Variants in SH3PXD2A observed in about 807,000 individuals in gnomAD.
The protein encoded by SH3PXD2A is SH3 and PX domains 2A, also known as SH3 and PX domain-containing protein 2A.
In SH3PXD2A, 32 loss-of-function variants were observed where a neutral mutation model predicts 115.2. The ratio of observed to expected loss-of-function variants is 0.28; its 90% CI spans 0.21 to 0.37. The LOEUF (loss-of-function observed/expected upper bound fraction) is 0.37, where lower values mean the gene tolerates loss of function less well. Ranked by LOEUF, SH3PXD2A falls within the 10% of genes least tolerant of loss-of-function variation. The probability of loss-of-function intolerance (pLI) is 1.00; values close to 1 mark genes in which losing one functional copy is unlikely to be tolerated. For missense variants in SH3PXD2A, 1,328 were observed against 1,498.7 expected, an observed-to-expected ratio of 0.89 and a Z score of 1.88; for synonymous variants, 610 against 629.1, an observed-to-expected ratio of 0.97 and a Z score of 0.45.
At chr10:103,687,543 C>G (rs1398138131) in intron 6 of SH3PXD2A, among the ~76,000 whole-genome samples, 1 of 152,148 alleles carries the variant, frequency 6.6e-6, no homozygotes, top group African/African-American at 2.4e-5. Flanking sequence ...TGTCCAACAC[C>G]CGCAGTGCCT....
intron 2 of SH3PXD2A, among the ~76,000 whole-genome samples, chr10:103,797,337 C>T (rs2039101665): frequency 6.6e-6 from 1 of 152,138 alleles, no homozygotes; most frequent in Non-Finnish European, 1.5e-5. Context: ...TGGCTCTGCT[C>T]TGCACGGTCC....
chr10:103,623,250 G>GGGACAT (rs1474911449), intron 9 of SH3PXD2A, among the ~76,000 whole-genome samples: 93 of 150,544 alleles, frequency 6.2e-4, no homozygotes, highest in African/African-American at 2.2e-3. Context: ...GCCACCCATC[G>GGGACAT]GGACATCTGA....
At chr10:103,617,935 T>A (rs893979607) in intron 10 of SH3PXD2A, among the ~76,000 whole-genome samples, 4 of 152,128 alleles carry the variant, frequency 2.6e-5, no homozygotes, top group Admixed American at 2.6e-4. Context: ...GGAACCCAGG[T>A]CTCATGGAAG....
chr10:103,678,600 C>T (rs1344244508), intron 6 of SH3PXD2A, among the ~76,000 whole-genome samples: 1 of 152,200 alleles, frequency 6.6e-6, no homozygotes, highest in East Asian at 1.9e-4. Flanking sequence ...CTTCTCTGGG[C>T]CTCACTGGTC....
At chr10:103,634,276 C>A (rs1414552118) in intron 8 of SH3PXD2A, among the ~76,000 whole-genome samples, 1 of 152,184 alleles carries the variant, frequency 6.6e-6, no homozygotes, top group Non-Finnish European at 1.5e-5. Context: ...GCCTTTGGAG[C>A]CAAGGAGAAA....
In SH3PXD2A at chr10:103,784,811, T is replaced by C. The variant is rs1211409657; in HGVS notation, c.153+16471A>G. Among the ~76,000 whole-genome samples, 3 of 142,570 alleles carry C rather than the reference T, an allele frequency of 2.1e-5. No individual in the cohort carries two copies. The highest frequency in any genetic ancestry group is 3.5e-3 in the Middle Eastern group (1 of 288). 93.5% of individuals were successfully genotyped at this position (142,570 alleles called of 152,430 possible). On this transcript the variant is annotated intron_variant, in intron 2 of 14. Coordinates refer to ENST00000369774, the MANE Select transcript of SH3PXD2A (RefSeq NM_001394015.1). This position sits in a 1 kb window ranked among gnomAD's most constrained non-coding sequence, Gnocchi z 4.4. Reference sequence around the variant, plus strand: ...GAAAAGGAGAAGGGAGTGGGGAGGATGTGGGGAGGGGTCCAGATGGCAGCT... The same window carrying C: ...GAAAAGGAGAAGGGAGTGGGGAGGACGTGGGGAGGGGTCCAGATGGCAGCT...
At chr10:103,758,882 C>A (rs1369073405) in intron 3 of SH3PXD2A, among the ~76,000 whole-genome samples, 1 of 152,214 alleles carries the variant, frequency 6.6e-6, no homozygotes, top group African/African-American at 2.4e-5. Flanking sequence ...TTGGCTTTTC[C>A]TGACATCCCA....
intron 2 of SH3PXD2A, among the ~76,000 whole-genome samples, chr10:103,769,986 C>T (rs17115934): frequency 0.16 from 24,042 of 152,050 alleles, 2,192 homozygotes; most frequent in East Asian, 0.3. Flanking sequence ...TATTACACTA[C>T]GACATAAGGA....
At chr10:103,762,919 A>G (rs975594359) in intron 3 of SH3PXD2A, among the ~76,000 whole-genome samples, 1 of 145,316 alleles carries the variant, frequency 6.9e-6, no homozygotes, top group African/African-American at 2.6e-5. Flanking sequence ...CCTCAGCACC[A>G]CTGCACAACA....
Position 103,612,919 on chromosome 10 carries a change from T to C in SH3PXD2A, c.1192A>G (p.Thr398Ala). The stretch of plus-strand genomic sequence containing the variant: ...GAGCCCTGGGCCAGCCTGGAGACAG[T>C]CCTGTCAGGAACGCCCACGGCACTG... Reference protein sequence around the residue: ...NGSAVGVPDRTVSRLAQGSPA... With the variant: ...NGSAVGVPDRAVSRLAQGSPA... The change falls in exon 12 of 15, where the codon ACT becomes GCT. Residue 398 changes from threonine (T) to alanine (A), a missense_variant. By Grantham distance (58) the Thr-to-Ala change is moderately conservative. This residue lies in a region of SH3PXD2A where 509 missense variants were observed against 628.3 expected (regional missense o/e 0.81). Coordinates refer to ENST00000369774, the MANE Select transcript of SH3PXD2A (RefSeq NM_001394015.1). 1 of 1,612,752 alleles carries C rather than the reference T, an allele frequency of 6.2e-7. No individual in the cohort carries two copies. The highest frequency in any genetic ancestry group is 8.5e-7 in the Non-Finnish European group (1 of 1,179,322).
intron 3 of SH3PXD2A, among the ~76,000 whole-genome samples, chr10:103,755,671 A>C (rs1589442672): frequency 1.3e-5 from 2 of 152,212 alleles, no homozygotes; most frequent in East Asian, 3.8e-4. Flanking sequence ...GTTTTGGTTC[A>C]GGCAAGTAGC....
chr10:103,685,407 C>G (rs986205924), intron 6 of SH3PXD2A, among the ~76,000 whole-genome samples: 5 of 151,660 alleles, frequency 3.3e-5, no homozygotes, highest in African/African-American at 1.2e-4. Flanking sequence ...CCTTAACTTC[C>G]CTTTCCTGGT....
intron 5 of SH3PXD2A, among the ~76,000 whole-genome samples, chr10:103,695,317 C>T (rs1276052237): frequency 6.6e-6 from 1 of 152,034 alleles, no homozygotes; most frequent in Non-Finnish European, 1.5e-5. Flanking sequence ...TGAGACCAGC[C>T]TAGGCAACAT....
chr10:103,757,971 C>T (rs192434083), intron 3 of SH3PXD2A, among the ~76,000 whole-genome samples: 32 of 152,332 alleles, frequency 2.1e-4, no homozygotes, highest in African/African-American at 6.3e-4. Flanking sequence ...AAAGCCACCA[C>T]GAGCACAGAC....
chr10:103,637,700 G>C (rs2036887082), intron 8 of SH3PXD2A, among the ~76,000 whole-genome samples: 1 of 152,150 alleles, frequency 6.6e-6, no homozygotes, highest in Non-Finnish European at 1.5e-5. Context: ...TTTGGAGAAG[G>C]GAATAGGGCA....
chr10:103,661,060 T>A lies in SH3PXD2A; in HGVS notation c.527A>T (p.Asn176Ile). ...MILEQYVVVS[N>I]YKKQENSELS... ...CTCCGAGTTCTCCTGCTTCTTATAG[T>A]TGGACACCACCACGTACTGTTCCAG... Residue 176 changes from asparagine to isoleucine, a missense_variant, in exon 8 of 15, where the codon AAC becomes ATC. Around this residue, in one of 5 missense-constraint regions of SH3PXD2A, gnomAD observed 90 missense variants for 71.1 expected, o/e 1.27. Coordinates refer to ENST00000369774, the MANE Select transcript of SH3PXD2A (RefSeq NM_001394015.1). 1 of 1,614,108 alleles carries A rather than the reference T, an allele frequency of 6.2e-7. No homozygotes were observed.
rs1554916497 is a variant in SH3PXD2A at position 103,728,884 on chromosome 10, T to TTG, written c.307-4524_307-4523insCA. ...GTAAGTAGCAAAGAGTTGTTTTTTTTGTTTGTTTGTTTGTTTTTTTTTTTT... is the reference window on the plus strand; with the variant it reads ...GTAAGTAGCAAAGAGTTGTTTTTTTTTGGTTTGTTTGTTTGTTTTTTTTTTTT... On this transcript the variant is annotated intron_variant, in intron 4 of 14. Coordinates refer to ENST00000369774, the MANE Select transcript of SH3PXD2A (RefSeq NM_001394015.1). Among the ~76,000 whole-genome samples the TTG allele has an allele frequency of 1.4e-3, 185 of 133,732 alleles. 2 individuals are homozygous for TTG. The highest frequency in any genetic ancestry group is 5.5e-3 in the African/African-American group (174 of 31,460). The allele number at this position is 133,732 out of a possible 152,430, so 87.7% of individuals were successfully genotyped here.
intron 1 of SH3PXD2A, among the ~76,000 whole-genome samples, chr10:103,822,699 C>T (rs2039393565): frequency 6.6e-6 from 1 of 152,278 alleles, no homozygotes; most frequent in Admixed American, 6.5e-5. Flanking sequence ...ACCACCAAGC[C>T]CCCTTAGAGA....
At chr10:103,841,332 G>A (rs752995581) in intron 1 of SH3PXD2A, among the ~76,000 whole-genome samples, 20 of 152,166 alleles carry the variant, frequency 1.3e-4, no homozygotes, top group Non-Finnish European at 2.6e-4. Context: ...TTTCAACACA[G>A]CACCTTGCAC....
Sources: allele counts gnomAD v4.1 joint callset (sites outside exome capture counted in the v4.1 genomes callset), GRCh38; gene constraint gnomAD v4.1.1; regional missense constraint gnomAD v4.1.1; non-coding constraint Gnocchi (gnomAD v3.1); transcripts MANE v1.5; gene names NCBI Gene and HGNC (gene_info 2026-07-23, HGNC 2026-07-21).